Variants in BRPF3 observed in about 807,000 individuals in gnomAD.
The protein encoded by BRPF3 is bromodomain and PHD finger-containing protein 3.
Under a neutral mutation model 102.0 loss-of-function variants are expected in BRPF3, and 18 were observed. The observed-to-expected ratio is 0.18, with a 90% confidence interval of 0.12 to 0.26. The LOEUF (loss-of-function observed/expected upper bound fraction) is 0.26, where lower values mean the gene tolerates loss of function less well. Among genes scored for constraint, BRPF3 ranks in the 10% least tolerant of loss-of-function variants. BRPF3 has a pLI of 1.00. For missense variants in BRPF3, 1,147 were observed against 1,567.8 expected (o/e 0.73, Z 4.53); for synonymous variants, 570 against 614.2 (o/e 0.93, Z 1.06).
intron 7 of BRPF3, among the ~76,000 whole-genome samples, chr6:36,212,845 G>T (rs574837475): frequency 8.4e-4 from 128 of 152,040 alleles, no homozygotes; most frequent in Middle Eastern, 3.4e-3. Flanking sequence ...CCCAGCTACT[G>T]GGGAGGCTGA....
At chr6:36,225,183 G>C in intron 10 of BRPF3, 84 bp from the exon 11 acceptor site, 1 of 1,142,588 alleles carries the variant, frequency 8.8e-7, no homozygotes, top group South Asian at 1.3e-5. Flanking sequence ...GGTTGCCCCA[G>C]TCAAGTGGAG....
At chr6:36,197,576 C>G (rs1458375522) in intron 1 of BRPF3, 8 of 148,450 alleles carry the variant, frequency 5.4e-5, no homozygotes, top group Non-Finnish European at 1.2e-4. Context: ...GCAGGGGATA[C>G]AGTCTAATTG....
intron 10 of BRPF3, among the ~76,000 whole-genome samples, chr6:36,223,265 A>C (rs1162088214): frequency 2.0e-5 from 3 of 152,030 alleles, no homozygotes. Context: ...CCTTAGCATC[A>C]GTTTCTTTCT....
In BRPF3 at chr6:36,228,966, C is replaced by A. The variant is rs1437335054; in HGVS notation, c.3344C>A (p.Pro1115Gln). The A allele has an allele frequency of 6.2e-7, 1 of 1,614,232 alleles. No homozygotes were observed. Residue 1115 changes from proline (P) to glutamine (Q), a missense_variant, in exon 12 of 13, where the codon CCG becomes CAG. Coordinates refer to ENST00000357641, the MANE Select transcript of BRPF3 (RefSeq NM_015695.3). ...LHNGVPIPVP[P>Q]LDVLKLGEQK... ...AATGGCGTTCCCATCCCTGTCCCCC[C>A]GCTGGACGTGCTGAAGCTGGGAGAG...
chr6:36,198,986 C>T (rs978166815), intron 1 of BRPF3, among the ~76,000 whole-genome samples: 4 of 152,132 alleles, frequency 2.6e-5, no homozygotes, highest in African/African-American at 7.2e-5. Flanking sequence ...GGCCTTCGGT[C>T]GAATGAAGGT....
In BRPF3 at chr6:36,213,825, T is replaced by C. The variant is rs1768219403; in HGVS notation, c.2483-55T>C. On this transcript the variant is annotated intron_variant, in intron 7 of 12. Coordinates refer to ENST00000357641, the MANE Select transcript of BRPF3 (RefSeq NM_015695.3). ...TGGTTGTCAGTGTCAGTATCTAGCT[T>C]GTAGGAGCAGACTCTTTCTAAAATG... 3 of 1,523,472 alleles carry C rather than the reference T, an allele frequency of 2.0e-6. No individual in the cohort carries two copies. The South Asian group carries it at 3.9e-5, about 20-fold the overall frequency. The allele number at this position is 1,523,472 out of a possible 1,614,324, so 94.4% of individuals were successfully genotyped here. A position where few individuals can be genotyped will look rare whatever the true frequency, so the allele number is the denominator to read the frequency against.
At chr6:36,212,799 A>G (rs1768175336) in intron 7 of BRPF3, among the ~76,000 whole-genome samples, 1 of 151,734 alleles carries the variant, frequency 6.6e-6, no homozygotes, top group African/African-American at 2.4e-5. Context: ...TAAAAATACA[A>G]AAAATTAGCC....
rs1182329753 is a variant in BRPF3 at position 36,228,820 on chromosome 6, G to A, written c.3280-82G>A. On this transcript the variant is annotated intron_variant, in intron 11 of 12. Coordinates refer to ENST00000357641, the MANE Select transcript of BRPF3 (RefSeq NM_015695.3). Reference sequence around the variant, plus strand: ...GGCCTGATACTCCCCTGGTGTGGGTGCTTCAGCAGTTGGTCCTGCAGCAGG... The same window carrying A: ...GGCCTGATACTCCCCTGGTGTGGGTACTTCAGCAGTTGGTCCTGCAGCAGG... The A allele has an allele frequency of 4.0e-6, 6 of 1,510,126 alleles. No individual in the cohort carries two copies. In the African/African-American group the frequency reaches 5.5e-5, roughly 14 times the overall value. The allele number at this position is 1,510,126 out of a possible 1,614,324, so 93.5% of individuals were successfully genotyped here.
chr6:36,211,833 C>T (rs1297982864), intron 7 of BRPF3, among the ~76,000 whole-genome samples: 1 of 152,148 alleles, frequency 6.6e-6, no homozygotes, highest in Admixed American at 6.5e-5. Context: ...TATTTAGTTG[C>T]TGGATTGTGG....
Position 36,204,727 on chromosome 6 carries a change from T to C in BRPF3, c.1518T>C (p.Tyr506=), listed in dbSNP as rs377760778. ...AGTTTATGCAGCGGCTTCACAATTA[T>C]TGGCTGTTGAAGCGGCAGGCACGGA... The part of the protein sequence containing the change: ...KNQFMQRLHN[Y]WLLKRQARNG... Residue 506 remains tyrosine, a synonymous_variant, in exon 3 of 13, where the codon TAT becomes TAC. Coordinates refer to ENST00000357641, the MANE Select transcript of BRPF3 (RefSeq NM_015695.3). 32 of 1,614,234 alleles carry C rather than the reference T, an allele frequency of 2.0e-5. No homozygotes were observed. The highest frequency in any genetic ancestry group is 2.5e-5 in the Non-Finnish European group (30 of 1,180,042).
At chr6:36,206,557 C>T (rs189501855) in intron 3 of BRPF3, among the ~76,000 whole-genome samples, 2 of 152,318 alleles carry the variant, frequency 1.3e-5, no homozygotes, top group African/African-American at 4.8e-5. Context: ...TTCTGGCCAG[C>T]CTGTTTCACT....
intron 10 of BRPF3, 114 bp downstream of exon 10, chr6:36,222,379 C>A (rs2157317): frequency 2.6e-5 from 24 of 908,720 alleles, no homozygotes; most frequent in African/African-American, 1.2e-4. Flanking sequence ...TGAGCTCCCC[C>A]AAACTCTTGG....
chr6:36,201,546 C>T lies in BRPF3; in HGVS notation c.1224C>T (p.Gly408=), dbSNP rs375502327. 8.7e-6 allele frequency: 14 copies of T among 1,613,768 alleles called. No homozygotes were observed. The South Asian group carries it at 8.8e-5, about 10-fold the overall frequency. Residue 408 remains glycine, a synonymous_variant, in exon 2 of 13, where the codon GGC becomes GGT. Transcript: ENST00000357641. The surrounding 1 kb of genome is among the most constrained non-coding windows in gnomAD (Gnocchi z 5.1). ...GDSPRSISET[G]DEEGLKEGDG... is the part of the protein sequence containing the mutation. Reference sequence around the variant, plus strand: ...CCCCTAGAAGCATCAGTGAGACTGGCGATGAGGAAGGGCTGAAGGAGGGTG... The same window carrying T: ...CCCCTAGAAGCATCAGTGAGACTGGTGATGAGGAAGGGCTGAAGGAGGGTG...
At chr6:36,209,703 G>T (rs1255792334) in intron 4 of BRPF3, 84 bp from the exon 5 acceptor site, 2 of 1,524,926 alleles carry the variant, frequency 1.3e-6, no homozygotes, top group South Asian at 1.3e-5. Flanking sequence ...TACAAGATTG[G>T]TAAAAGTCAA....
rs1768243915 is a variant in BRPF3 at position 36,214,254 on chromosome 6, G to T, written c.2857G>T (p.Asp953Tyr). Residue 953 changes from aspartate to tyrosine, a missense_variant, in exon 8 of 13, where the codon GAC (aspartate) becomes TAC (tyrosine). Asp to Tyr is a radical substitution (Grantham distance 160, BLOSUM62 -3). Coordinates refer to ENST00000357641, the MANE Select transcript of BRPF3 (RefSeq NM_015695.3). ...AGACAGGGTCCTGGAGAATGGCGAG[G>T]ACCATGGTGTGGCAGGCTCTCCTGC... ...SPDRVLENGE[D>Y]HGVAGSPASP... The T allele has an allele frequency of 6.2e-7, 1 of 1,614,196 alleles. No homozygotes were observed. Among genetic ancestry groups the T allele is most frequent in the African/African-American group, 1.3e-5 (1 of 75,064 alleles).
At chr6:36,211,116 C>A in intron 6 of BRPF3, 142 bp from the exon 7 acceptor site, 1 of 952,762 alleles carries the variant, frequency 1.0e-6, no homozygotes. Flanking sequence ...GTTGCAGGGC[C>A]AAGGCCCACA....
intron 2 of BRPF3, among the ~76,000 whole-genome samples, chr6:36,202,225 GA>G (rs1286664113): frequency 1.3e-5 from 2 of 152,158 alleles, no homozygotes; most frequent in Non-Finnish European, 2.9e-5. Context: ...GGGGAGGGTA[GA>G]ACTAATTACC....
At position 36,210,389 on chromosome 6, in the gene BRPF3, C is replaced by T. The variant is rs747930917; in HGVS notation, c.2040C>T (p.Val680=). The T allele has an allele frequency of 1.2e-6, 2 of 1,614,230 alleles. No homozygotes were observed. Among genetic ancestry groups the T allele is most frequent in the South Asian group, 2.2e-5 (2 of 91,080 alleles). Residue 680 remains valine, a synonymous_variant, in exon 6 of 13, where the codon GTC becomes GTT. Coordinates refer to ENST00000357641, the MANE Select transcript of BRPF3 (RefSeq NM_015695.3). The surrounding 1 kb of genome is among the most constrained non-coding windows in gnomAD (Gnocchi z 4.7). ...ACACAATTTTCCACCGAGCAGCTGT[C>T]CGCCTGCGGGACCTGGGAGGGGCCA... ...AKDTIFHRAA[V]RLRDLGGAIL...
rs551421725 is a variant in BRPF3 at position 36,211,374 on chromosome 6, C to T, written c.2296C>T (p.Arg766Cys). 100 of 1,614,104 alleles carry T rather than the reference C, an allele frequency of 6.2e-5. No individual in the cohort carries two copies. Among genetic ancestry groups the T allele is most frequent in the Non-Finnish European group, 8.0e-5 (94 of 1,180,044 alleles). ...CATGCGGTCCAGTGGGGCCCGCACC[C>T]GTCGTGTCCGCCTGCTACGCCGGGA... The part of the protein sequence containing the change: ...SAMRSSGART[R>C]RVRLLRREIN... Residue 766 changes from arginine to cysteine, a missense_variant, in exon 7 of 13, where the codon CGT (arginine) becomes TGT (cysteine). Physicochemically the swap from Arg to Cys is radical, Grantham distance 180. Around this residue, in one of 11 missense-constraint regions of BRPF3, gnomAD observed 379 missense variants for 426.3 expected, o/e 0.89. Transcript: ENST00000357641.
Sources: gnomAD v4.1 joint callset for allele counts (sites outside exome capture counted in the v4.1 genomes callset) on GRCh38, gnomAD v4.1.1 for gene constraint, gnomAD v4.1.1 regional missense constraint, Gnocchi (gnomAD v3.1) non-coding constraint, MANE v1.5 for transcripts, NCBI Gene and HGNC (gene_info 2026-07-23, HGNC 2026-07-21) for gene names.